The following MARCHF1 variants were observed in gnomAD, a reference collection of about 807,000 sequenced individuals.
MARCHF1 encodes the protein membrane associated ring-CH-type finger 1.
MARCHF1 carries 40 observed loss-of-function variants against 54.2 expected under a neutral mutation model. That is an observed-to-expected ratio of 0.74 (90% CI 0.57 to 0.96). MARCHF1 has a LOEUF of 0.96. Among genes scored for constraint, MARCHF1 ranks in the 40% least tolerant of loss-of-function variants. The pLI, the probability that MARCHF1 is intolerant of heterozygous loss-of-function variation, is 0.00. For synonymous variants in MARCHF1, 236 were observed against 236.3 expected, an observed-to-expected ratio of 1.00 and a Z score of 0.01; for missense variants, 586 against 656.5, an observed-to-expected ratio of 0.89 and a Z score of 1.17.
chr4:164,082,958 C>G (rs76527194), intron 2 of MARCHF1, among the ~76,000 whole-genome samples: 1,971 of 152,282 alleles, frequency 0.013, 31 homozygotes, highest in African/African-American at 0.042. Flanking sequence ...TCTCAAACCC[C>G]TTCTCACATG....
intron 8 of MARCHF1, among the ~76,000 whole-genome samples, chr4:163,564,744 G>C (rs937958681): frequency 6.6e-6 from 1 of 152,194 alleles, no homozygotes; most frequent in Non-Finnish European, 1.5e-5. Flanking sequence ...CTTCAATAAG[G>C]ATCTTAAGGA....
At chr4:163,701,742 T>A (rs1406981751) in intron 4 of MARCHF1, among the ~76,000 whole-genome samples, 1 of 152,146 alleles carries the variant, frequency 6.6e-6, no homozygotes, top group African/African-American at 2.4e-5. Flanking sequence ...GTAGAGAAAA[T>A]GTTGTTGGAA....
chr4:163,931,350 A>C (rs1208317492), intron 3 of MARCHF1, among the ~76,000 whole-genome samples: 1 of 152,242 alleles, frequency 6.6e-6, no homozygotes, highest in African/African-American at 2.4e-5. Context: ...CCAAAATTCA[A>C]ATGTTCAAAG....
At chr4:163,713,634 A>T (rs1391509057) in intron 4 of MARCHF1, among the ~76,000 whole-genome samples, 1 of 152,240 alleles carries the variant, frequency 6.6e-6, no homozygotes, top group Non-Finnish European at 1.5e-5. Flanking sequence ...AGCTGTTAGA[A>T]ATAGAAGTTC....
At chr4:164,234,279 T>C (rs181271282) in intron 1 of MARCHF1, among the ~76,000 whole-genome samples, 186 of 152,286 alleles carry the variant, frequency 1.2e-3, no homozygotes, top group Non-Finnish European at 2.3e-3. Flanking sequence ...CAAAAAGGCT[T>C]ATAGACTTAT....
intron 4 of MARCHF1, among the ~76,000 whole-genome samples, chr4:163,767,855 C>G (rs1747035718): frequency 6.6e-6 from 1 of 152,092 alleles, no homozygotes; most frequent in African/African-American, 2.4e-5. Context: ...GGTTAATTTT[C>G]TGCACATTTA....
At chr4:164,038,985 C>T (rs762269825) in intron 2 of MARCHF1, among the ~76,000 whole-genome samples, 49 of 151,994 alleles carry the variant, frequency 3.2e-4, no homozygotes, top group Non-Finnish European at 6.3e-4. Flanking sequence ...GATCATAAAG[C>T]TGAATAAGAT....
chr4:164,234,710 A>G (rs970156137), intron 1 of MARCHF1: 10 of 152,098 alleles, frequency 6.6e-5, no homozygotes, highest in Non-Finnish European at 1.2e-4. Context: ...GAAATGTACA[A>G]TGAAAATGAT....
chr4:163,674,606 T>A (rs990271913), intron 5 of MARCHF1, among the ~76,000 whole-genome samples: 1 of 152,166 alleles, frequency 6.6e-6, no homozygotes, highest in African/African-American at 2.4e-5. Context: ...TCTCCACCCC[T>A]AGTGCCAGTG....
intron 3 of MARCHF1, among the ~76,000 whole-genome samples, chr4:163,981,160 TC>T (rs1752755461): frequency 6.6e-6 from 1 of 152,146 alleles, no homozygotes; most frequent in East Asian, 1.9e-4. Flanking sequence ...TTTTTTTTTT[TC>T]CTAAGAAACT....
intron 1 of MARCHF1, among the ~76,000 whole-genome samples, chr4:164,234,593 T>C (rs1489707284): frequency 6.6e-6 from 1 of 152,104 alleles, no homozygotes; most frequent in Non-Finnish European, 1.5e-5. Flanking sequence ...CAGTGAAAGA[T>C]AAATGGGATG....
chr4:164,251,788 T>C (rs1733136140), intron 1 of MARCHF1, among the ~76,000 whole-genome samples: 2 of 152,040 alleles, frequency 1.3e-5, no homozygotes, highest in South Asian at 4.1e-4. Context: ...TGCTAATAAA[T>C]TAAAATCTCA....
chr4:163,751,772 A>T (rs1746528360), intron 4 of MARCHF1, among the ~76,000 whole-genome samples: 1 of 151,552 alleles, frequency 6.6e-6, no homozygotes, highest in Non-Finnish European at 1.5e-5. Flanking sequence ...TATTTAATGT[A>T]TTTCCAATAA....
chr4:163,947,603 A>G (rs1313414625), intron 3 of MARCHF1, among the ~76,000 whole-genome samples: 2 of 152,246 alleles, frequency 1.3e-5, no homozygotes, highest in African/African-American at 4.8e-5. Context: ...AGAAGACAGA[A>G]GAGGTAAATA....
chr4:163,932,185 C>A (rs911477149), intron 3 of MARCHF1, among the ~76,000 whole-genome samples: 18 of 151,882 alleles, frequency 1.2e-4, no homozygotes, highest in Non-Finnish European at 2.4e-4. Context: ...GGTAAGGGCT[C>A]TTGCCTTGAT....
intron 1 of MARCHF1, among the ~76,000 whole-genome samples, chr4:164,347,810 C>G (rs748660539): frequency 5.3e-5 from 8 of 151,918 alleles, no homozygotes; most frequent in Non-Finnish European, 1.2e-4. Context: ...AACCAAGATG[C>G]TCAAAGAAAC....
intron 1 of MARCHF1, among the ~76,000 whole-genome samples, chr4:164,265,296 A>C (rs1733581878): frequency 6.6e-6 from 1 of 152,186 alleles, no homozygotes; most frequent in Non-Finnish European, 1.5e-5. Flanking sequence ...ATTCAAAGCC[A>C]ATTAAAATTC....
intron 5 of MARCHF1, among the ~76,000 whole-genome samples, chr4:163,699,173 T>C (rs1271739390): frequency 6.6e-6 from 1 of 152,198 alleles, no homozygotes; most frequent in Non-Finnish European, 1.5e-5. Flanking sequence ...TTGAATGTAA[T>C]TAGAAATGTT....
intron 1 of MARCHF1, among the ~76,000 whole-genome samples, chr4:164,249,388 G>A (rs184234383): frequency 5.9e-5 from 9 of 152,124 alleles, no homozygotes; most frequent in Middle Eastern, 3.4e-3. Context: ...AGGCAGAGAG[G>A]AGCATAAATA....
Sources: gnomAD v4.1 joint callset for allele counts (sites outside exome capture counted in the v4.1 genomes callset) on GRCh38, gnomAD v4.1.1 for gene constraint, MANE v1.5 for transcripts, NCBI Gene and HGNC (gene_info 2026-07-23, HGNC 2026-07-21) for gene names.